Variants in BAZ2B observed in about 807,000 individuals in gnomAD.
BAZ2B encodes the protein bromodomain adjacent to zinc finger domain 2B.
A neutral mutation model predicts 246.0 loss-of-function variants in BAZ2B; 91 were observed. That is an observed-to-expected ratio of 0.37 (90% CI 0.31 to 0.44). The LOEUF (loss-of-function observed/expected upper bound fraction) is 0.44. Among genes scored for constraint, BAZ2B ranks in the 20% least tolerant of loss-of-function variants. BAZ2B has a pLI of 1.00. For synonymous variants in BAZ2B, 855 were observed against 860.0 expected (o/e 0.99, Z 0.10); for missense variants, 2,332 against 2,533.7 (o/e 0.92, Z 1.71).
At chr2:159,528,614 C>T (rs1433954335) in intron 2 of BAZ2B, among the ~76,000 whole-genome samples, 3 of 148,392 alleles carry the variant, frequency 2.0e-5, no homozygotes, top group Admixed American at 6.8e-5. Context: ...ACCTGGGAGG[C>T]GGAGGTTGCA....
chr2:159,359,508 G>A (rs2149267114), intron 27 of BAZ2B, among the ~76,000 whole-genome samples: 1 of 152,262 alleles, frequency 6.6e-6, no homozygotes, highest in Non-Finnish European at 1.5e-5. Flanking sequence ...CAGATTCACA[G>A]CCGAATTCTA....
chr2:159,401,492 C>G (rs776008531), intron 16 of BAZ2B, among the ~76,000 whole-genome samples: 3 of 152,124 alleles, frequency 2.0e-5, no homozygotes, highest in Non-Finnish European at 4.4e-5. Context: ...TTATTATTAA[C>G]AATAATTTCC....
intron 14 of BAZ2B, chr2:159,412,026 C>A (rs2066911805): frequency 1.1e-6 from 1 of 949,676 alleles, no homozygotes; most frequent in Non-Finnish European, 1.3e-6. Context: ...AGAAGGTTGG[C>A]ACGACCTTAA....
chr2:159,595,412 A>C (rs1243734692), intron 1 of BAZ2B, among the ~76,000 whole-genome samples: 2 of 152,150 alleles, frequency 1.3e-5, no homozygotes, highest in Non-Finnish European at 2.9e-5. Flanking sequence ...TTGTTTTTAT[A>C]TACTAATGAC....
intron 2 of BAZ2B, among the ~76,000 whole-genome samples, chr2:159,553,136 T>C (rs1228196867): frequency 6.6e-6 from 1 of 152,118 alleles, no homozygotes; most frequent in East Asian, 1.9e-4. Context: ...TGTTCACTCC[T>C]ATAATCCCTG....
intron 6 of BAZ2B, 26 bp downstream of exon 6, chr2:159,446,756 T>C (rs769353668): frequency 1.9e-6 from 3 of 1,575,140 alleles, no homozygotes; most frequent in South Asian, 2.4e-5. Flanking sequence ...ATCTGTTATA[T>C]ATTAGTCCTT....
chr2:159,679,801 G>A, the BAZ2B span, among the ~76,000 whole-genome samples: 3 of 152,164 alleles, frequency 2.0e-5, no homozygotes, highest in Non-Finnish European at 4.4e-5. Flanking sequence ...GGAAGGAAAT[G>A]CCAAATACTT....
chr2:159,363,123 T>A (rs2059888779), intron 27 of BAZ2B, among the ~76,000 whole-genome samples: 1 of 152,112 alleles, frequency 6.6e-6, no homozygotes, highest in African/African-American at 2.4e-5. Flanking sequence ...GGAAGCTGAG[T>A]AAAAGGAAAC....
rs746452996 is a variant in BAZ2B at position 159,441,542 on chromosome 2, T to C, written c.697-2330A>G. ...GAAATAGGGAAAAAAGATGGGTTTG[T>C]ATCACCAGTTTCATTAGAGTATATA... On this transcript the variant is annotated intron_variant, in intron 6 of 36. Coordinates refer to ENST00000392783, the MANE Select transcript of BAZ2B (RefSeq NM_013450.4). 2.0e-5 allele frequency among the ~76,000 whole-genome samples: 3 copies of C among 152,250 alleles called. No homozygotes were observed. The South Asian group carries it at 6.2e-4, about 31-fold the overall frequency.
At chr2:159,536,017 C>A (rs1171294840) in intron 2 of BAZ2B, among the ~76,000 whole-genome samples, 1 of 152,180 alleles carries the variant, frequency 6.6e-6, no homozygotes, top group Non-Finnish European at 1.5e-5. Flanking sequence ...TAGAAAGTAA[C>A]TGATCCACAG....
At chr2:159,407,415 T>C (rs2066130885) in intron 14 of BAZ2B, among the ~76,000 whole-genome samples, 1 of 152,086 alleles carries the variant, frequency 6.6e-6, no homozygotes, top group Non-Finnish European at 1.5e-5. Flanking sequence ...GAGGTTGCAG[T>C]GAGCTGAGAT....
chr2:159,503,743 C>G (rs2082063404), intron 2 of BAZ2B, among the ~76,000 whole-genome samples: 2 of 152,010 alleles, frequency 1.3e-5, no homozygotes, highest in Admixed American at 1.3e-4. Context: ...CCACGCCCGG[C>G]TAATTTTTTG....
intron 27 of BAZ2B, among the ~76,000 whole-genome samples, chr2:159,358,951 C>G (rs2059398247): frequency 6.6e-6 from 1 of 151,914 alleles, no homozygotes; most frequent in South Asian, 2.1e-4. Flanking sequence ...CTCTGGGACA[C>G]AGCCAGAGAT....
At chr2:159,632,321 A>G in the BAZ2B span, among the ~76,000 whole-genome samples, 8 of 152,228 alleles carry the variant, frequency 5.3e-5, no homozygotes, top group African/African-American at 9.6e-5. Flanking sequence ...AGGGGCATCA[A>G]TGTGCTGGGC....
intron 1 of BAZ2B, among the ~76,000 whole-genome samples, chr2:159,569,425 A>T (rs901086981): frequency 6.6e-6 from 1 of 152,212 alleles, no homozygotes; most frequent in Non-Finnish European, 1.5e-5. Context: ...TTTAATAAAA[A>T]TAAGAAACAA....
intron 1 of BAZ2B, among the ~76,000 whole-genome samples, chr2:159,586,499 G>C (rs944198746): frequency 6.6e-6 from 1 of 150,708 alleles, no homozygotes; most frequent in Non-Finnish European, 1.5e-5. Context: ...TCAACTTCAG[G>C]CTTCTAAGTT....
At chr2:159,665,139 T>TA in the BAZ2B span, among the ~76,000 whole-genome samples, 2 of 115,554 alleles carry the variant, frequency 1.7e-5, no homozygotes, top group Non-Finnish European at 3.5e-5. Flanking sequence ...GAATCCAACT[T>TA]ACAAGGGATG....
chr2:159,671,126 T>G, the BAZ2B span, among the ~76,000 whole-genome samples: 1 of 152,228 alleles, frequency 6.6e-6, no homozygotes, highest in East Asian at 1.9e-4. Context: ...AGTTCTAAAC[T>G]GCACCTCAAT....
intron 20 of BAZ2B, among the ~76,000 whole-genome samples, chr2:159,393,793 C>T (rs763788746): frequency 2.0e-5 from 3 of 152,028 alleles, no homozygotes; most frequent in Non-Finnish European, 4.4e-5. Context: ...CTTAGAATAT[C>T]TCATTTTCAT....
Sources: gnomAD v4.1 joint callset for allele counts (sites outside exome capture counted in the v4.1 genomes callset) on GRCh38, gnomAD v4.1.1 for gene constraint, MANE v1.5 for transcripts, NCBI Gene and HGNC (gene_info 2026-07-23, HGNC 2026-07-21) for gene names.